HS3ST5: variants seen among roughly 807,000 people sequenced by gnomAD.
HS3ST5 encodes heparan sulfate glucosamine 3-O-sulfotransferase 5.
A neutral mutation model predicts 25.4 loss-of-function variants in HS3ST5; 10 were observed. That is an observed-to-expected ratio of 0.39 (90% CI 0.24 to 0.67). The LOEUF (loss-of-function observed/expected upper bound fraction) is 0.67, where lower values mean the gene tolerates loss of function less well. Among genes scored for constraint, HS3ST5 ranks in the 30% least tolerant of loss-of-function variants. The pLI is 0.44. For missense variants in HS3ST5, 324 were observed against 420.7 expected, an observed-to-expected ratio of 0.77 and a Z score of 2.01; for synonymous variants, 170 against 162.4, an observed-to-expected ratio of 1.05 and a Z score of -0.36.
intron 1 of HS3ST5, among the ~76,000 whole-genome samples, chr6:114,290,836 A>ATT (rs35506270): frequency 2.0e-5 from 3 of 150,486 alleles, no homozygotes; most frequent in South Asian, 2.1e-4. Context: ...TTGTGTTACT[A>ATT]TTTTTTTTTT....
intron 3 of HS3ST5, among the ~76,000 whole-genome samples, chr6:114,072,510 C>G (rs994212362): frequency 6.6e-6 from 1 of 152,112 alleles, no homozygotes; most frequent in African/African-American, 2.4e-5. Context: ...TCCTAATTAT[C>G]TTACTCCATT....
At chr6:114,226,343 G>A (rs543565167) in intron 2 of HS3ST5, among the ~76,000 whole-genome samples, 2 of 151,864 alleles carry the variant, frequency 1.3e-5, no homozygotes, top group East Asian at 3.9e-4. Flanking sequence ...AAATTATTTC[G>A]ATCTAATTGG....
chr6:114,129,351 G>C (rs981427455), intron 3 of HS3ST5, among the ~76,000 whole-genome samples: 1 of 147,396 alleles, frequency 6.8e-6, no homozygotes, highest in African/African-American at 2.5e-5. Flanking sequence ...CGCCTCCTGG[G>C]TTCACACCAT....
intron 3 of HS3ST5, among the ~76,000 whole-genome samples, chr6:114,110,608 A>G (rs1266124219): frequency 6.6e-6 from 1 of 152,224 alleles, no homozygotes; most frequent in Non-Finnish European, 1.5e-5. Context: ...TTTGGGTCTT[A>G]CAGTCAAAGG....
intron 1 of HS3ST5, among the ~76,000 whole-genome samples, chr6:114,317,748 A>T (rs998514896): frequency 3.9e-5 from 5 of 127,534 alleles, no homozygotes; most frequent in Admixed American, 9.3e-5. Flanking sequence ...TTATTCCACA[A>T]ATGGTCCTAA....
In HS3ST5 at chr6:114,080,605, T is replaced by TA. The variant is rs1455429704; in HGVS notation, c.-32-17729dup. On this transcript the variant is annotated intron_variant, in intron 3 of 4. Transcript: ENST00000312719. ...TACACTATGGAATAGTATGCAGCCA[T>TA]AAAAAATGAAACCATGTTCTTTGCA... 9.2e-5 allele frequency among the ~76,000 whole-genome samples: 14 copies of TA among 152,274 alleles called. No individual in the cohort carries two copies. The East Asian group carries it at 2.7e-3, about 29-fold the overall frequency.
chr6:114,079,544 T>C (rs1448866823), intron 3 of HS3ST5, among the ~76,000 whole-genome samples: 1 of 152,210 alleles, frequency 6.6e-6, no homozygotes. Context: ...CTGCAGTTAC[T>C]TCCTCCACTG....
At chr6:114,191,055 T>C (rs1780477243) in intron 2 of HS3ST5, among the ~76,000 whole-genome samples, 1 of 152,214 alleles carries the variant, frequency 6.6e-6, no homozygotes, top group African/African-American at 2.4e-5. Context: ...ACTTCAACTG[T>C]TGACATGTGT....
At chr6:114,159,002 C>G (rs1778820293) in intron 3 of HS3ST5, among the ~76,000 whole-genome samples, 1 of 152,168 alleles carries the variant, frequency 6.6e-6, no homozygotes, top group African/African-American at 2.4e-5. Context: ...CATTATCTGC[C>G]TTTTGTTGAA....
intron 1 of HS3ST5, among the ~76,000 whole-genome samples, chr6:114,315,244 G>A (rs1277063938): frequency 5.3e-5 from 8 of 152,118 alleles, no homozygotes; most frequent in Non-Finnish European, 1.2e-4. Flanking sequence ...TTATTTATAA[G>A]CATTTTAACA....
chr6:114,236,455 C>T (rs1365332244), intron 1 of HS3ST5, among the ~76,000 whole-genome samples: 1 of 152,086 alleles, frequency 6.6e-6, no homozygotes, highest in Non-Finnish European at 1.5e-5. Flanking sequence ...TTAAATGTTT[C>T]TTCTTTACTC....
chr6:114,276,292 C>T (rs938954825), intron 1 of HS3ST5, among the ~76,000 whole-genome samples: 1 of 151,920 alleles, frequency 6.6e-6, no homozygotes, highest in Non-Finnish European at 1.5e-5. Context: ...TCCTAGAGTA[C>T]TACGCTGTAA....
At chr6:114,316,326 G>A (rs775578941) in intron 1 of HS3ST5, among the ~76,000 whole-genome samples, 8 of 151,984 alleles carry the variant, frequency 5.3e-5, no homozygotes, top group East Asian at 3.9e-4. Context: ...TATCACTACC[G>A]GTTGCAATAA....
At chr6:114,294,823 G>A (rs1424488150) in intron 1 of HS3ST5, among the ~76,000 whole-genome samples, 2 of 152,138 alleles carry the variant, frequency 1.3e-5, no homozygotes, top group Non-Finnish European at 2.9e-5. Flanking sequence ...GCTGAAATTG[G>A]TCAAAAAGTT....
At chr6:114,176,500 G>C (rs1425429094) in intron 2 of HS3ST5, among the ~76,000 whole-genome samples, 2 of 152,138 alleles carry the variant, frequency 1.3e-5, no homozygotes, top group African/African-American at 4.8e-5. Context: ...TCTAATCAGA[G>C]CCAAGCTAAC....
At chr6:114,286,344 G>T (rs531723472) in intron 1 of HS3ST5, among the ~76,000 whole-genome samples, 1 of 152,018 alleles carries the variant, frequency 6.6e-6, no homozygotes, top group African/African-American at 2.4e-5. Flanking sequence ...TAATCAATGG[G>T]CATAAAGTTT....
intron 1 of HS3ST5, among the ~76,000 whole-genome samples, chr6:114,244,142 G>T (rs1401515821): frequency 6.6e-6 from 1 of 152,190 alleles, no homozygotes; most frequent in Non-Finnish European, 1.5e-5. Context: ...AAACGTTTCT[G>T]CAGGTTTTGC....
At chr6:114,271,798 T>A (rs1346377333) in intron 1 of HS3ST5, among the ~76,000 whole-genome samples, 1 of 152,096 alleles carries the variant, frequency 6.6e-6, no homozygotes, top group Non-Finnish European at 1.5e-5. Context: ...CTCTTTCACT[T>A]CAGAGGAAGA....
At chr6:114,292,143 T>C (rs1427399062) in intron 1 of HS3ST5, among the ~76,000 whole-genome samples, 1 of 152,238 alleles carries the variant, frequency 6.6e-6, no homozygotes, top group Admixed American at 6.5e-5. Context: ...ATGTAATCAG[T>C]AACATCTATT....
Sources: allele counts gnomAD v4.1 joint callset (sites outside exome capture counted in the v4.1 genomes callset), GRCh38; gene constraint gnomAD v4.1.1; transcripts MANE v1.5; gene names NCBI Gene and HGNC (gene_info 2026-07-23, HGNC 2026-07-21).